The following RUNX1 variants were observed in gnomAD, a reference collection of about 807,000 sequenced individuals.
RUNX1 encodes RUNX family transcription factor 1.
RUNX1 carries 19 observed loss-of-function variants against 42.8 expected under a neutral mutation model. The observed-to-expected ratio is 0.44, with a 90% confidence interval of 0.31 to 0.65. RUNX1 has a LOEUF of 0.65. Among genes scored for constraint, RUNX1 ranks in the 30% least tolerant of loss-of-function variants. The pLI is 0.07. For missense variants in RUNX1, 528 were observed against 672.0 expected (o/e 0.79, Z 2.37); for synonymous variants, 271 against 289.4 (o/e 0.94, Z 0.64).
intron 2 of RUNX1, among the ~76,000 whole-genome samples, chr21:34,912,357 T>C (rs2058279097): frequency 6.6e-6 from 1 of 151,824 alleles, no homozygotes; most frequent in South Asian, 2.1e-4. Flanking sequence ...ACCCGTCCTC[T>C]CTGTTTTGCG....
intron 7 of RUNX1, among the ~76,000 whole-genome samples, chr21:34,802,493 G>A (rs928742): frequency 0.99 from 150,537 of 152,338 alleles, 74,389 homozygotes; most frequent in Middle Eastern, 1. Flanking sequence ...ATTCATTCAT[G>A]TGTTCATGAA....
intron 2 of RUNX1, among the ~76,000 whole-genome samples, chr21:35,002,382 TTTTA>T (rs149613285): frequency 0.41 from 58,041 of 140,668 alleles, 12,101 homozygotes; most frequent in African/African-American, 0.46. Context: ...ACACAGCACA[TTTTA>T]TTTATTTATT....
intron 2 of RUNX1, among the ~76,000 whole-genome samples, chr21:35,006,209 T>C (rs1466878991): frequency 6.6e-6 from 1 of 152,166 alleles, no homozygotes; most frequent in African/African-American, 2.4e-5. Context: ...AGAGAAAGGC[T>C]ACAGTGAAGG....
At chr21:34,846,283 G>C (rs759366669) in intron 6 of RUNX1, among the ~76,000 whole-genome samples, 1 of 147,374 alleles carries the variant, frequency 6.8e-6, no homozygotes, top group Admixed American at 6.9e-5. Context: ...TGTCACTCTG[G>C]CGTGGACCTT....
Position 34,858,327 on chromosome 21 carries a change from G to A in RUNX1, c.613+1147C>T, listed in dbSNP as rs114691880. 6.4e-3 allele frequency among the ~76,000 whole-genome samples: 980 copies of A among 152,260 alleles called. 11 individuals are homozygous for A. Among genetic ancestry groups the A allele is most frequent in the African/African-American group, 0.022 (904 of 41,540 alleles). ...CAGGGAAGGTCATCTAGAGGGGACT[G>A]GAGCAGTAGCCAGGGATGAAAGCAG... On this transcript the variant is annotated intron_variant, in intron 6 of 8. Coordinates refer to ENST00000675419, the MANE Select transcript of RUNX1 (RefSeq NM_001754.5).
chr21:34,903,204 A>C (rs2058191063), intron 2 of RUNX1, among the ~76,000 whole-genome samples: 1 of 152,224 alleles, frequency 6.6e-6, no homozygotes, highest in Non-Finnish European at 1.5e-5. Flanking sequence ...ATAATTTATT[A>C]TTATAATCAC....
intron 2 of RUNX1, among the ~76,000 whole-genome samples, chr21:34,908,603 A>G (rs1309410541): frequency 2.6e-5 from 4 of 152,150 alleles, no homozygotes; most frequent in Non-Finnish European, 4.4e-5. Flanking sequence ...TGCAATCTCC[A>G]TTCTTGTGAA....
intron 5 of RUNX1, among the ~76,000 whole-genome samples, chr21:34,874,065 T>C (rs1037599562): frequency 9.9e-5 from 15 of 152,266 alleles, no homozygotes; most frequent in Middle Eastern, 3.4e-3. Context: ...AGCATGAATT[T>C]AGTCCTCAAA....
chr21:34,885,981 A>C (rs1015884361), intron 4 of RUNX1, among the ~76,000 whole-genome samples: 4 of 152,232 alleles, frequency 2.6e-5, no homozygotes, highest in Non-Finnish European at 5.9e-5. Context: ...TTGAAGGTCA[A>C]GGTTTTTAAA....
At chr21:34,881,124 G>T (rs1040263612) in intron 4 of RUNX1, among the ~76,000 whole-genome samples, 1 of 152,236 alleles carries the variant, frequency 6.6e-6, no homozygotes, top group Admixed American at 6.5e-5. Context: ...TAGCTATGCC[G>T]TCTCCTGAAT....
intron 2 of RUNX1, among the ~76,000 whole-genome samples, chr21:35,018,734 C>T (rs993907410): frequency 1.3e-5 from 2 of 152,096 alleles, no homozygotes; most frequent in Non-Finnish European, 2.9e-5. Context: ...TCTACGCAGT[C>T]ACACCTCACC....
intron 2 of RUNX1, among the ~76,000 whole-genome samples, chr21:35,022,450 G>T (rs1165596858): frequency 6.6e-6 from 1 of 152,162 alleles, no homozygotes; most frequent in African/African-American, 2.4e-5. Context: ...AGCTCTTCAG[G>T]ATAAACAGCT....
intron 2 of RUNX1, among the ~76,000 whole-genome samples, chr21:34,993,694 CGCACACACACACAGACACACACAG>C (rs1307967993): frequency 1.2e-4 from 11 of 95,084 alleles, no homozygotes; most frequent in Non-Finnish European, 2.2e-4. Context: ...CACACACAGG[CGCACACACACACAGACACACACAG>C]GCACACACAC....
intron 6 of RUNX1, among the ~76,000 whole-genome samples, chr21:34,858,706 G>T (rs1251476138): frequency 1.3e-5 from 2 of 152,140 alleles, no homozygotes; most frequent in Non-Finnish European, 2.9e-5. Flanking sequence ...GCTGGGCGGG[G>T]GTGCTGGGCA....
At chr21:34,878,182 A>G (rs1019633804) in intron 5 of RUNX1, among the ~76,000 whole-genome samples, 12 of 150,454 alleles carry the variant, frequency 8.0e-5, no homozygotes, top group Admixed American at 3.3e-4. Context: ...AAAAAAAAAA[A>G]AAGAAGAAGA....
intron 6 of RUNX1, among the ~76,000 whole-genome samples, chr21:34,853,852 A>C: frequency 7.2e-6 from 1 of 139,138 alleles, no homozygotes; most frequent in Non-Finnish European, 1.5e-5. Flanking sequence ...TCACTCTGTC[A>C]CCCAGGCTGG....
At chr21:34,888,473 C>T (rs1425382216) in intron 3 of RUNX1, 5 of 1,066,458 alleles carry the variant, frequency 4.7e-6, no homozygotes, top group Non-Finnish European at 3.4e-6. Flanking sequence ...AGCCAAGAAG[C>T]CAGTTAATTC....
intron 3 of RUNX1, chr21:34,889,803 CG>C: frequency 8.9e-7 from 1 of 1,129,466 alleles, no homozygotes; most frequent in South Asian, 2.5e-5. Context: ...CCCCGCCCGG[CG>C]GGGCTCCCTC....
chr21:34,870,187 T>C (rs1040077510), intron 5 of RUNX1, among the ~76,000 whole-genome samples: 2 of 152,250 alleles, frequency 1.3e-5, no homozygotes, highest in Non-Finnish European at 2.9e-5. Flanking sequence ...AGCAGACCTC[T>C]GGTTGTTGTT....
Sources: gnomAD v4.1 joint callset for allele counts (sites outside exome capture counted in the v4.1 genomes callset) on GRCh38, gnomAD v4.1.1 for gene constraint, MANE v1.5 for transcripts, NCBI Gene and HGNC (gene_info 2026-07-23, HGNC 2026-07-21) for gene names.